CNTRL: variants seen among roughly 807,000 people sequenced by gnomAD.
CNTRL encodes 110 kDa centrosomal protein.
CNTRL carries 233 observed loss-of-function variants against 303.7 expected under a neutral mutation model. That is an observed-to-expected ratio of 0.77 (90% confidence interval 0.69 to 0.86). The LOEUF (loss-of-function observed/expected upper bound fraction) is 0.86. Among genes scored for constraint, CNTRL ranks in the 40% least tolerant of loss-of-function variants. The pLI, the probability that CNTRL is intolerant of heterozygous loss-of-function variation, is 0.00. For missense variants in CNTRL, 2,524 were observed against 2,650.6 expected, an observed-to-expected ratio of 0.95 and a Z score of 1.05; for synonymous variants, 900 against 922.2, an observed-to-expected ratio of 0.98 and a Z score of 0.44.
intron 36 of CNTRL, 118 bp downstream of exon 36, chr9:121,166,298 C>T: frequency 1.6e-6 from 1 of 614,036 alleles, no homozygotes. Flanking sequence ...ACCGTAGGGC[C>T]ATTTATGTAA....
intron 36 of CNTRL, 34 bp downstream of exon 36, chr9:121,166,214 A>G (rs764164873): frequency 2.1e-6 from 3 of 1,450,594 alleles, no homozygotes; most frequent in Non-Finnish European, 2.9e-6. Context: ...CTAGTAGTAT[A>G]CTGAGGGTAT....
At position 121,177,150 on chromosome 9, in the gene CNTRL, T is replaced by G; in HGVS notation, c.6955-13T>G. 1.9e-6 allele frequency: 3 copies of G among 1,608,954 alleles called. No homozygotes were observed. The highest frequency in any genetic ancestry group is 2.2e-5 in the South Asian group (2 of 90,792). On this transcript the variant is annotated splice_polypyrimidine_tract_variant and intron_variant, in intron 43 of 43. Coordinates refer to ENST00000373855, the MANE Select transcript of CNTRL (RefSeq NM_007018.6). ...CAAGAATTTGATTTATCCTTCCTTT[T>G]GTCTTACTGTAGGAAAAGAATGCCT...
intron 14 of CNTRL, among the ~76,000 whole-genome samples, chr9:121,128,131 A>G (rs984112777): frequency 1.6e-4 from 25 of 152,222 alleles, no homozygotes; most frequent in Non-Finnish European, 1.2e-4. Context: ...TTATAGTAGC[A>G]TGATTTATAA....
chr9:121,147,106 G>A (rs752656951), intron 23 of CNTRL, among the ~76,000 whole-genome samples: 9 of 152,148 alleles, frequency 5.9e-5, no homozygotes, highest in East Asian at 1.9e-4. Flanking sequence ...GGGTTCAAGC[G>A]ATTCTCCGGT....
At position 121,103,493 on chromosome 9, in the gene CNTRL, G is replaced by A. The variant is rs540846547; in HGVS notation, c.809-4309G>A. Among the ~76,000 whole-genome samples, 277 of 152,248 alleles carry A rather than the reference G, an allele frequency of 1.8e-3. 2 individuals carry two copies. The highest frequency in any genetic ancestry group is 6.4e-3 in the African/African-American group (268 of 41,558). On this transcript the variant is annotated intron_variant, in intron 7 of 43. Transcript: ENST00000373855. ...CTATTCAGGACATAGGCATGGGCAAGGACTTCATGTCTAAAACACCAAAAG... is the reference window on the plus strand; with the variant it reads ...CTATTCAGGACATAGGCATGGGCAAAGACTTCATGTCTAAAACACCAAAAG...
intron 12 of CNTRL, chr9:121,121,818 C>G: frequency 1.0e-6 from 1 of 985,380 alleles, no homozygotes; most frequent in Non-Finnish European, 1.2e-6. Context: ...TACAGAGGCT[C>G]GGAGGCGCTT....
At chr9:121,094,856 TGTAAA>T in intron 4 of CNTRL, 27 bp from the exon 5 acceptor site, 1 of 1,482,012 alleles carries the variant, frequency 6.7e-7, no homozygotes, top group East Asian at 2.3e-5. Flanking sequence ...TCATCTGTTG[TGTAAA>T]GTATTCATTC....
In CNTRL at chr9:121,158,997, C is replaced by A. The variant is rs145607154; in HGVS notation, c.4907C>A (p.Thr1636Asn). The A allele has an allele frequency of 1.5e-4, 238 of 1,614,146 alleles. No homozygotes were observed. Among genetic ancestry groups the A allele is most frequent in the Non-Finnish European group, 1.9e-4 (222 of 1,179,996 alleles). The change falls in exon 31 of 44, where the codon ACT becomes AAT. Residue 1636 changes from threonine to asparagine, a missense_variant. Transcript: ENST00000373855. ...EALRLGETEV[T>N]EKCNHIREVK... ...CTGAGACTGGGAGAGACTGAAGTAACTGAGAAGTGCAATCACATTAGGGTG... is the reference window on the plus strand; with the variant it reads ...CTGAGACTGGGAGAGACTGAAGTAAATGAGAAGTGCAATCACATTAGGGTG...
intron 7 of CNTRL, 45 bp downstream of exon 7, chr9:121,098,617 T>G: frequency 1.7e-6 from 2 of 1,172,814 alleles, no homozygotes; most frequent in Non-Finnish European, 2.4e-6. Context: ...GAGGGAGGAA[T>G]TTATTTTCAG....
intron 25 of CNTRL, chr9:121,150,740 G>A: frequency 7.2e-6 from 3 of 418,802 alleles, no homozygotes; most frequent in Admixed American, 4.2e-5. Context: ...GCCAGCCCCG[G>A]TAACAGCAAA....
rs746077544 is a variant in CNTRL, at chr9:121,157,785, G to A, written c.4542G>A (p.Lys1514=). Residue 1514 remains lysine, a synonymous_variant, in exon 29 of 44, where the codon AAG becomes AAA. Coordinates refer to ENST00000373855, the MANE Select transcript of CNTRL (RefSeq NM_007018.6). ...DAKDLEQHKI[K]QEEILKEINK... is the part of the protein sequence containing the mutation. ...AGGATTTGGAGCAGCACAAAATCAA[G>A]CAAGAAGAAATCTTGAAAGAAATAA... 1.7e-5 allele frequency: 28 copies of A among 1,614,048 alleles called. No individual in the cohort carries two copies. In the South Asian group the frequency reaches 3.0e-4, roughly 17 times the overall value.
At chr9:121,119,849 C>T (rs1315866399) in intron 12 of CNTRL, among the ~76,000 whole-genome samples, 1 of 152,074 alleles carries the variant, frequency 6.6e-6, no homozygotes, top group Non-Finnish European at 1.5e-5. Flanking sequence ...CCTTTTTCTA[C>T]CTCTTCTATT....
At chr9:121,114,973 A>G in intron 10 of CNTRL, 118 bp from the exon 11 acceptor site, 2 of 575,810 alleles carry the variant, frequency 3.5e-6, no homozygotes, top group Admixed American at 3.5e-5. Flanking sequence ...GTGAGATATA[A>G]TGACAGTTTA....
At position 121,078,236 on chromosome 9, in the gene CNTRL, A is replaced by T. The variant is rs2048004671; in HGVS notation, c.-204-2070A>T. 3.3e-5 allele frequency among the ~76,000 whole-genome samples: 5 copies of T among 152,034 alleles called. No homozygotes were observed. In the South Asian group the frequency reaches 1.0e-3, roughly 32 times the overall value. On this transcript the variant is annotated intron_variant, in intron 1 of 43. Transcript: ENST00000373855. Reference sequence around the variant, plus strand: ...AGCCTGGCCAGCATGGCAAAACCTCATCTCTACTAAAAATAAAAAAAATTA... The same window carrying T: ...AGCCTGGCCAGCATGGCAAAACCTCTTCTCTACTAAAAATAAAAAAAATTA...
intron 14 of CNTRL, among the ~76,000 whole-genome samples, chr9:121,130,628 C>T (rs2050801294): frequency 6.6e-6 from 1 of 151,872 alleles, no homozygotes; most frequent in Non-Finnish European, 1.5e-5. Context: ...TGTCTCTATC[C>T]CCTTTAGTTT....
At chr9:121,126,033 A>G (rs945624832) in intron 14 of CNTRL, 97 bp downstream of exon 14, 4 of 990,270 alleles carry the variant, frequency 4.0e-6, no homozygotes, top group African/African-American at 1.6e-5. Flanking sequence ...TTTAAGTGGG[A>G]AAAAGTATTA....
intron 24 of CNTRL, among the ~76,000 whole-genome samples, chr9:121,149,461 G>T (rs2134188461): frequency 6.6e-6 from 1 of 151,910 alleles, no homozygotes; most frequent in African/African-American, 2.4e-5. Flanking sequence ...GAGTGCAGTG[G>T]CACAATCTTG....
intron 18 of CNTRL, among the ~76,000 whole-genome samples, chr9:121,141,856 A>G (rs183389807): frequency 5.9e-5 from 9 of 152,268 alleles, no homozygotes; most frequent in African/African-American, 2.2e-4. Flanking sequence ...CCACATTCCT[A>G]GAGTATGGTG....
intron 30 of CNTRL, 78 bp downstream of exon 30, chr9:121,158,187 A>C: frequency 6.6e-7 from 1 of 1,512,562 alleles, no homozygotes; most frequent in Admixed American, 2.0e-5. Context: ...TTAATTGTAG[A>C]AAAGAATAAA....
Sources: allele counts gnomAD v4.1 joint callset (sites outside exome capture counted in the v4.1 genomes callset), GRCh38; gene constraint gnomAD v4.1.1; transcripts MANE v1.5; gene names NCBI Gene and HGNC (gene_info 2026-07-23, HGNC 2026-07-21).